Variants in PCDHA6 observed in about 807,000 individuals in gnomAD.
PCDHA6 encodes protocadherin alpha-6.
In PCDHA6, 55 loss-of-function variants were observed where a neutral mutation model predicts 60.3. That is an observed-to-expected ratio of 0.91 (90% CI 0.73 to 1.14). The LOEUF is 1.14. Ranked by LOEUF, PCDHA6 falls within the 50% of genes most tolerant of loss-of-function variation. The pLI is 0.00. For missense variants in PCDHA6, 1,327 were observed against 1,256.5 expected, an observed-to-expected ratio of 1.06 and a Z score of -0.85; for synonymous variants, 652 against 557.9, an observed-to-expected ratio of 1.17 and a Z score of -2.38.
chr5:140,853,345 C>A, intron 1 of PCDHA6: 2 of 982,280 alleles, frequency 2.0e-6, no homozygotes, highest in Non-Finnish European at 2.5e-6. Context: ...CATTAGCAAA[C>A]ATGAACTCAC....
intron 1 of PCDHA6, among the ~76,000 whole-genome samples, chr5:140,913,589 T>G (rs1342360734): frequency 6.6e-6 from 1 of 152,168 alleles, no homozygotes; most frequent in Non-Finnish European, 1.5e-5. Context: ...TATTTCTGCT[T>G]TGATCTTTAT....
intron 1 of PCDHA6, chr5:140,866,649 T>C (rs1554160460): frequency 6.6e-6 from 1 of 152,162 alleles, no homozygotes; most frequent in South Asian, 2.1e-4. Context: ...AAAATTTATT[T>C]ATGTGTTTTC....
intron 1 of PCDHA6, chr5:140,850,369 G>A (rs2041555140): frequency 1.3e-6 from 2 of 1,597,806 alleles, no homozygotes; most frequent in Admixed American, 1.7e-5. Context: ...TTCCGCGTGG[G>A]GCTGTACACG....
chr5:140,835,484 C>T (rs2150236532), intron 1 of PCDHA6: 3 of 1,613,926 alleles, frequency 1.9e-6, no homozygotes, highest in Non-Finnish European at 8.5e-7. Flanking sequence ...AACCAGGTAC[C>T]GTCATCACAT....
chr5:140,967,460 G>C, intron 1 of PCDHA6: 1 of 1,613,538 alleles, frequency 6.2e-7, no homozygotes, highest in African/African-American at 1.3e-5. Context: ...AGCCGTGGAT[G>C]GGGGCATCCC....
At chr5:140,926,362 C>G (rs1199629040) in intron 1 of PCDHA6, 4 of 152,268 alleles carry the variant, frequency 2.6e-5, no homozygotes, top group African/African-American at 9.7e-5. Context: ...TCCCAAAGGG[C>G]GGCAGGAAGA....
chr5:140,850,670 G>A, intron 1 of PCDHA6: 1 of 1,598,618 alleles, frequency 6.3e-7, no homozygotes, highest in Non-Finnish European at 8.6e-7. Context: ...GGTGCTCGGC[G>A]ATGCCCACCG....
intron 1 of PCDHA6, chr5:140,871,236 ACTCACGCTG>A: frequency 6.2e-7 from 1 of 1,613,908 alleles, no homozygotes; most frequent in Non-Finnish European, 8.5e-7. Context: ...GCCTCCTGGT[ACTCACGCTG>A]CTGCTGTATA....
In PCDHA6 at chr5:140,883,112, A is replaced by G. The variant is rs141106500; in HGVS notation, c.2394+52627A>G. 408 of 1,614,156 alleles carry G rather than the reference A, an allele frequency of 2.5e-4. 3 individuals are homozygous for G. In the African/African-American group the frequency reaches 5.1e-3, roughly 20 times the overall value. ...AAATGGAGATATAGTTTACTCATTTAGAAGGCCTGTATGGCCTGCAGTGGT... is the reference window on the plus strand; with the variant it reads ...AAATGGAGATATAGTTTACTCATTTGGAAGGCCTGTATGGCCTGCAGTGGT... On this transcript the variant is annotated intron_variant, in intron 1 of 3. Coordinates refer to ENST00000529310, the MANE Select transcript of PCDHA6 (RefSeq NM_018909.4).
chr5:141,000,361 G>C (rs1253295818), intron 3 of PCDHA6, among the ~76,000 whole-genome samples: 2 of 26,450 alleles, frequency 7.6e-5, no homozygotes, highest in Non-Finnish European at 1.2e-4. Context: ...GTCTCTCTCT[G>C]TCTCTCTCTC....
At chr5:140,935,598 G>A (rs540310470) in intron 1 of PCDHA6, among the ~76,000 whole-genome samples, 5 of 152,148 alleles carry the variant, frequency 3.3e-5, no homozygotes, top group Admixed American at 6.5e-5. Context: ...TAGATACAGA[G>A]CTAGGCTTTT....
intron 1 of PCDHA6, chr5:140,853,382 A>C: frequency 1.0e-6 from 1 of 985,900 alleles, no homozygotes; most frequent in Non-Finnish European, 1.2e-6. Context: ...TAAAATTCAA[A>C]ACAGCCTGTC....
intron 1 of PCDHA6, among the ~76,000 whole-genome samples, chr5:140,940,287 C>T (rs190568424): frequency 6.6e-6 from 1 of 152,272 alleles, no homozygotes; most frequent in East Asian, 1.9e-4. Context: ...CATTGTGCTG[C>T]TTCATCAGTA....
intron 1 of PCDHA6, chr5:140,849,562 C>G (rs1188964395): frequency 6.3e-7 from 1 of 1,598,438 alleles, no homozygotes; most frequent in Non-Finnish European, 8.6e-7. Context: ...AAAACGCTCT[C>G]GGTTCCTGTA....
At chr5:140,877,928 TTC>T in intron 1 of PCDHA6, 1 of 1,415,260 alleles carries the variant, frequency 7.1e-7, no homozygotes, top group Non-Finnish European at 9.3e-7. Context: ...TTCTTTATGA[TTC>T]TATCCTTTAA....
intron 1 of PCDHA6, chr5:140,882,621 AT>A (rs1447184799): frequency 1.2e-6 from 2 of 1,614,094 alleles, no homozygotes; most frequent in Non-Finnish European, 1.7e-6. Flanking sequence ...CAGGTTTTCC[AT>A]GTGGAGGTGA....
At chr5:140,953,952 C>G (rs1025145135) in intron 1 of PCDHA6, among the ~76,000 whole-genome samples, 1 of 152,084 alleles carries the variant, frequency 6.6e-6, no homozygotes, top group Non-Finnish European at 1.5e-5. Flanking sequence ...GCTCCCCCAA[C>G]AGGCCCCAGT....
intron 1 of PCDHA6, chr5:140,871,442 A>C: frequency 6.2e-7 from 1 of 1,611,276 alleles, no homozygotes; most frequent in African/African-American, 1.3e-5. Flanking sequence ...CTAGGTCTGA[A>C]TAAAGAGGAG....
In PCDHA6 at chr5:140,843,388, G is replaced by A; in HGVS notation, c.2394+12903G>A. 18 of 1,596,064 alleles carry A rather than the reference G, an allele frequency of 1.1e-5. 1 individual carries two copies. Among genetic ancestry groups the A allele is most frequent in the Non-Finnish European group, 1.5e-5 (17 of 1,165,572 alleles). ...GGCAGTCGGCTGGCGTTTTGGGTCCGGAAGCGGCGCTGGTGGATGTCAACG... is the reference window on the plus strand; with the variant it reads ...GGCAGTCGGCTGGCGTTTTGGGTCCAGAAGCGGCGCTGGTGGATGTCAACG... On this transcript the variant is annotated intron_variant, in intron 1 of 3. Coordinates refer to ENST00000529310, the MANE Select transcript of PCDHA6 (RefSeq NM_018909.4).
Sources: gnomAD v4.1 joint callset for allele counts (sites outside exome capture counted in the v4.1 genomes callset) on GRCh38, gnomAD v4.1.1 for gene constraint, MANE v1.5 for transcripts, NCBI Gene and HGNC (gene_info 2026-07-23, HGNC 2026-07-21) for gene names.